FXYD2: variants seen among roughly 807,000 people sequenced by gnomAD.
FXYD2 encodes sodium/potassium-transporting ATPase subunit gamma.
FXYD2 carries 8 observed loss-of-function variants against 11.8 expected under a neutral mutation model. The ratio of observed to expected loss-of-function variants is 0.68; its 90% CI spans 0.40 to 1.22. The LOEUF is 1.22. Among genes scored for constraint, FXYD2 ranks in the 50% most tolerant of loss-of-function variants. The probability of loss-of-function intolerance (pLI) is 0.01; values close to 1 mark genes in which losing one functional copy is unlikely to be tolerated. For missense variants in FXYD2, 92 were observed against 91.8 expected, an observed-to-expected ratio of 1.00 and a Z score of -0.01; for synonymous variants, 42 against 33.3, an observed-to-expected ratio of 1.26 and a Z score of -0.90.
upstream of FXYD2, among the ~76,000 whole-genome samples, chr11:117,825,949 C>G (rs2056026680): frequency 6.6e-6 from 1 of 152,156 alleles, no homozygotes; most frequent in Non-Finnish European, 1.5e-5. Flanking sequence ...CACACCCTGG[C>G]CCTCTCACTT....
Position 117,822,265 on chromosome 11 carries a change from C to G in FXYD2, c.139+141G>C, listed in dbSNP as rs1182359586. 2 of 1,530,220 alleles carry G rather than the reference C, an allele frequency of 1.3e-6. No individual in the cohort carries two copies. Among genetic ancestry groups the G allele is most frequent in the East Asian group, 2.5e-5 (1 of 40,614 alleles). 94.8% of individuals were successfully genotyped at this position (1,530,220 alleles called of 1,614,324 possible). A position where few individuals can be genotyped will look rare whatever the true frequency, so the allele number is the denominator to read the frequency against. On this transcript the variant is annotated intron_variant, in intron 3 of 5. Coordinates refer to ENST00000292079, the MANE Select transcript of FXYD2 (RefSeq NM_001680.5). This position sits in a 1 kb window ranked among gnomAD's most constrained non-coding sequence, Gnocchi z 4.7. ...GCGAGCCTGGCACCCCACCGGGCAC[C>G]CATTCCCACATCCTGCAGTGGGGGG... is the stretch of plus-strand genomic sequence containing the variant.
chr11:117,820,642 C>G, intron 5 of FXYD2, 24 bp downstream of exon 5: 1 of 1,613,656 alleles, frequency 6.2e-7, no homozygotes, highest in Non-Finnish European at 8.5e-7. Context: ...CTCCCCGCAC[C>G]TTCCCCAGGC....
rs770872034 is a variant in FXYD2 at position 117,822,651 on chromosome 11, G to C, written c.64+28C>G. 1.7e-5 allele frequency: 27 copies of C among 1,606,374 alleles called. No homozygotes were observed. The Admixed American group carries it at 4.6e-4, about 27-fold the overall frequency. On this transcript the variant is annotated intron_variant, in intron 2 of 5. Coordinates refer to ENST00000292079, the MANE Select transcript of FXYD2 (RefSeq NM_001680.5). The surrounding 1 kb of genome is among the most constrained non-coding windows in gnomAD (Gnocchi z 4.7). Reference sequence around the variant, plus strand: ...TGGTGGAAGGGGTCCTGAGGGCTCAGGAAGGGTGCGCAGGGGCCCAGGCTT... The same window carrying C: ...TGGTGGAAGGGGTCCTGAGGGCTCACGAAGGGTGCGCAGGGGCCCAGGCTT...
At chr11:117,826,960 A>G (rs1488705743), upstream of FXYD2, among the ~76,000 whole-genome samples, 1 of 152,086 alleles carries the variant, frequency 6.6e-6, no homozygotes, top group African/African-American at 2.4e-5. Context: ...AAACATTAAC[A>G]GTGCCAGGTA....
chr11:117,820,651 G>C lies in FXYD2; in HGVS notation c.*6+15C>G, dbSNP rs778383106. ...CCTGCCCTCCCCGCACCTTCCCCAG[G>C]CCCTCCTAGCATACCTGCTGTTACG... On this transcript the variant is annotated intron_variant, in intron 5 of 5. Coordinates refer to ENST00000292079, the MANE Select transcript of FXYD2 (RefSeq NM_001680.5). 2 of 1,613,560 alleles carry C rather than the reference G, an allele frequency of 1.2e-6. No homozygotes were observed. Among genetic ancestry groups the C allele is most frequent in the Non-Finnish European group, 1.7e-6 (2 of 1,179,724 alleles).
In FXYD2 at chr11:117,824,605, G is replaced by T; in HGVS notation, c.25+49C>A. The T allele has an allele frequency of 6.6e-7, 1 of 1,506,562 alleles. No individual in the cohort carries two copies. The highest frequency in any genetic ancestry group is 9.2e-7 in the Non-Finnish European group (1 of 1,082,296). The allele number at this position is 1,506,562 out of a possible 1,614,324, so 93.3% of individuals were successfully genotyped here. A position where few individuals can be genotyped will look rare whatever the true frequency, so the allele number is the denominator to read the frequency against. Reference sequence around the variant, plus strand: ...TGACCCCACAAAGGCAGGCCAATCAGAGCCACCCAGCATTGCACACGCCCG... The same window carrying T: ...TGACCCCACAAAGGCAGGCCAATCATAGCCACCCAGCATTGCACACGCCCG... On this transcript the variant is annotated intron_variant, in intron 1 of 5. Transcript: ENST00000292079. This position sits in a 1 kb window ranked among gnomAD's most constrained non-coding sequence, Gnocchi z 4.0.
chr11:117,825,905 TC>T (rs1173756915), upstream of FXYD2, among the ~76,000 whole-genome samples: 3 of 152,112 alleles, frequency 2.0e-5, no homozygotes, highest in Non-Finnish European at 4.4e-5. Flanking sequence ...CCATGAATCC[TC>T]CCCAAGCAGG....
intron 4 of FXYD2, 54 bp downstream of exon 4, chr11:117,820,805 G>A (rs369137285): frequency 5.3e-5 from 85 of 1,609,884 alleles, no homozygotes; most frequent in Non-Finnish European, 6.8e-5. Flanking sequence ...TCCTCAGCCC[G>A]CCCCTCCTTC....
In FXYD2 at chr11:117,822,347, G is replaced by C. The variant is rs1202281431; in HGVS notation, c.139+59C>G. On this transcript the variant is annotated intron_variant, in intron 3 of 5. Transcript: ENST00000292079. The surrounding 1 kb of genome is among the most constrained non-coding windows in gnomAD (Gnocchi z 4.7). Reference sequence around the variant, plus strand: ...ACTCCCGAAAGCCAGCCTGCTCAGCGGCCTTGAGAAGAGAGGTGCCCTGGT... The same window carrying C: ...ACTCCCGAAAGCCAGCCTGCTCAGCCGCCTTGAGAAGAGAGGTGCCCTGGT... The C allele has an allele frequency of 6.5e-7, 1 of 1,550,138 alleles. No individual in the cohort carries two copies. Among genetic ancestry groups the C allele is most frequent in the South Asian group, 1.2e-5 (1 of 84,000 alleles).
chr11:117,825,752 A>G (rs1452355427), upstream of FXYD2, among the ~76,000 whole-genome samples: 1 of 152,178 alleles, frequency 6.6e-6, no homozygotes, highest in African/African-American at 2.4e-5. Flanking sequence ...GGGTAGTCAC[A>G]GGTACTGTAG....
At position 117,824,553 on chromosome 11, in the gene FXYD2, G is replaced by T. The variant is rs576750061; in HGVS notation, c.25+101C>A. 23 of 944,318 alleles carry T rather than the reference G, an allele frequency of 2.4e-5. No homozygotes were observed. Among genetic ancestry groups the T allele is most frequent in the African/African-American group, 2.3e-4 (14 of 61,842 alleles). The allele number at this position is 944,318 out of a possible 1,614,324, so 58.5% of individuals were successfully genotyped here. A position where few individuals can be genotyped will look rare whatever the true frequency, so the allele number is the denominator to read the frequency against. On this transcript the variant is annotated intron_variant, in intron 1 of 5. Transcript: ENST00000292079. This position sits in a 1 kb window ranked among gnomAD's most constrained non-coding sequence, Gnocchi z 4.0. ...CTGGGTACTCTGGAAGGCTGAGGTG[G>T]CAGGAGAGGGAAGAGTAGGGTCCAG... is the stretch of plus-strand genomic sequence containing the variant.
rs1430190171 is a variant in FXYD2, at chr11:117,824,039, C to G, written c.25+615G>C. On this transcript the variant is annotated intron_variant, in intron 1 of 5. Transcript: ENST00000292079. The surrounding 1 kb of genome is among the most constrained non-coding windows in gnomAD (Gnocchi z 4.0). ...AAGTGTCAGAGCAACAGCTAGACGC[C>G]AGCTGAGGCTTCCCCACACGCCCCA... 1 of 162,068 alleles carries G rather than the reference C, an allele frequency of 6.2e-6. No homozygotes were observed. The highest frequency in any genetic ancestry group is 1.4e-5 in the Non-Finnish European group (1 of 72,966). 10.0% of individuals were successfully genotyped at this position (162,068 alleles called of 1,614,324 possible).
At chr11:117,821,123 C>A in intron 3 of FXYD2, 1 of 447,798 alleles carries the variant, frequency 2.2e-6, no homozygotes, top group Non-Finnish European at 3.5e-6. Flanking sequence ...GTGGTGGGAT[C>A]GTAGCTCACT....
chr11:117,822,054 G>A lies in FXYD2; in HGVS notation c.139+352C>T. On this transcript the variant is annotated intron_variant, in intron 3 of 5. Coordinates refer to ENST00000292079, the MANE Select transcript of FXYD2 (RefSeq NM_001680.5). The surrounding 1 kb of genome is among the most constrained non-coding windows in gnomAD (Gnocchi z 4.7). ...TTGGATGCTAGCCCTAATCTTGTGA[G>A]GCAGGTGGGATCATCCCTATTTAAC... is the stretch of plus-strand genomic sequence containing the variant. 2 of 1,236,954 alleles carry A rather than the reference G, an allele frequency of 1.6e-6. No individual in the cohort carries two copies. The highest frequency in any genetic ancestry group is 3.3e-5 in the South Asian group (2 of 60,470). 76.6% of individuals were successfully genotyped at this position (1,236,954 alleles called of 1,614,324 possible).
intron 3 of FXYD2, 102 bp from the exon 4 acceptor site, chr11:117,820,997 T>C: frequency 6.5e-7 from 1 of 1,532,034 alleles, no homozygotes; most frequent in East Asian, 2.2e-5. Flanking sequence ...CTCCTGCCAG[T>C]ATCATCGCAG....
At chr11:117,825,301 G>A (rs999691406), upstream of FXYD2, among the ~76,000 whole-genome samples, 1 of 152,152 alleles carries the variant, frequency 6.6e-6, no homozygotes, top group Non-Finnish European at 1.5e-5. Flanking sequence ...ACCCATCAAC[G>A]TGCACCCTGC....
At position 117,824,273 on chromosome 11, in the gene FXYD2, A is replaced by G. The variant is rs569563811; in HGVS notation, c.25+381T>C. 1.4e-5 allele frequency: 5 copies of G among 355,702 alleles called. No individual in the cohort carries two copies. The highest frequency in any genetic ancestry group is 1.3e-4 in the South Asian group (4 of 31,312). 22.0% of individuals were successfully genotyped at this position (355,702 alleles called of 1,614,324 possible). ...CGGGCTCTCACCCCAAATCCAGCCTAGGAAGGCTGACCAGAGGGGCCTGCT... is the reference window on the plus strand; with the variant it reads ...CGGGCTCTCACCCCAAATCCAGCCTGGGAAGGCTGACCAGAGGGGCCTGCT... On this transcript the variant is annotated intron_variant, in intron 1 of 5. Transcript: ENST00000292079. This position sits in a 1 kb window ranked among gnomAD's most constrained non-coding sequence, Gnocchi z 4.0.
intron 5 of FXYD2, 114 bp downstream of exon 5, chr11:117,820,552 T>C: frequency 7.6e-7 from 1 of 1,324,380 alleles, no homozygotes; most frequent in East Asian, 2.3e-5. Context: ...ACCTGGCTGA[T>C]GTGTGGACGA....
At chr11:117,820,753 G>GA in intron 4 of FXYD2, 57 bp from the exon 5 acceptor site, 1 of 1,613,090 alleles carries the variant, frequency 6.2e-7, no homozygotes, top group Non-Finnish European at 8.5e-7. Flanking sequence ...TGGGTCTAGG[G>GA]ATCTCTGAGG....
Sources: allele counts gnomAD v4.1 joint callset (sites outside exome capture counted in the v4.1 genomes callset), GRCh38; gene constraint gnomAD v4.1.1; non-coding constraint Gnocchi (gnomAD v3.1); transcripts MANE v1.5; gene names NCBI Gene and HGNC (gene_info 2026-07-23, HGNC 2026-07-21).